ROBO2: variants seen among roughly 807,000 people sequenced by gnomAD.
ROBO2 encodes the protein roundabout homolog 2.
ROBO2 carries 53 observed loss-of-function variants against 160.8 expected under a neutral mutation model. The observed-to-expected ratio is 0.33, with a 90% CI of 0.26 to 0.41. The LOEUF is 0.41. ROBO2 is among the 10% of genes least tolerant of loss of function. The pLI is 1.00. For synonymous variants in ROBO2, 664 were observed against 611.7 expected, an observed-to-expected ratio of 1.09 and a Z score of -1.26; for missense variants, 1,577 against 1,722.4, an observed-to-expected ratio of 0.92 and a Z score of 1.49.
At chr3:77,493,319 T>C (rs535710145) in exon 5 of ROBO2, 1 of 1,614,030 alleles carries the variant, frequency 6.2e-7, no homozygotes, top group South Asian at 1.1e-5. Context: ...CGTTGTCAAG[T>C]CCAAGGAGAT....
intron 2 of ROBO2, among the ~76,000 whole-genome samples, chr3:76,323,175 A>C (rs6804020): frequency 1.4e-4 from 21 of 145,710 alleles, no homozygotes; most frequent in Admixed American, 2.8e-4. Flanking sequence ...ACACACACAC[A>C]CCCCTAAAGG....
chr3:76,073,263 T>A (rs4290809), intron 2 of ROBO2, among the ~76,000 whole-genome samples: 1 of 111,896 alleles, frequency 8.9e-6, no homozygotes, highest in Non-Finnish European at 1.7e-5. Context: ...TCAGAATGAG[T>A]ATTCTTTTTT....
At chr3:77,602,231 G>A (rs774911985) in exon 20 of ROBO2, 2 of 1,614,002 alleles carry the variant, frequency 1.2e-6, no homozygotes, top group Non-Finnish European at 1.7e-6. Flanking sequence ...CCAGTTCCAG[G>A]CCAAGGGGAT....
intron 2 of ROBO2, among the ~76,000 whole-genome samples, chr3:76,619,220 G>C (rs1191118146): frequency 1.3e-5 from 2 of 151,390 alleles, no homozygotes; most frequent in Non-Finnish European, 2.9e-5. Context: ...GGCGCCTGTA[G>C]TCCCAGCTAC....
intron 12 of ROBO2, among the ~76,000 whole-genome samples, chr3:77,565,537 A>G (rs551684707): frequency 2.0e-5 from 3 of 152,184 alleles, no homozygotes; most frequent in South Asian, 4.1e-4. Flanking sequence ...TCGTTCTCAC[A>G]GTGTGGTTCC....
intron 2 of ROBO2, among the ~76,000 whole-genome samples, chr3:77,315,491 A>G (rs2063903724): frequency 6.6e-6 from 1 of 152,190 alleles, no homozygotes; most frequent in African/African-American, 2.4e-5. Flanking sequence ...GAGACACTTA[A>G]TCAAATAAAA....
At chr3:76,969,764 T>G (rs908417031) in intron 2 of ROBO2, among the ~76,000 whole-genome samples, 9 of 152,096 alleles carry the variant, frequency 5.9e-5, no homozygotes, top group Non-Finnish European at 1.3e-4. Context: ...AGAGGACGAT[T>G]TTTCTTAAGC....
chr3:76,406,519 A>G (rs2078133819), intron 2 of ROBO2, among the ~76,000 whole-genome samples: 1 of 151,788 alleles, frequency 6.6e-6, no homozygotes, highest in Non-Finnish European at 1.5e-5. Flanking sequence ...GATAAGGAAT[A>G]GGACAAGAGG....
At chr3:76,687,006 G>A (rs1164227498) in intron 2 of ROBO2, among the ~76,000 whole-genome samples, 4 of 151,930 alleles carry the variant, frequency 2.6e-5, no homozygotes, top group African/African-American at 9.7e-5. Context: ...TATTGGGTTT[G>A]TCTCTTGTTT....
intron 2 of ROBO2, among the ~76,000 whole-genome samples, chr3:76,455,925 T>C (rs967362592): frequency 6.6e-6 from 1 of 152,210 alleles, no homozygotes; most frequent in African/African-American, 2.4e-5. Flanking sequence ...TCATTCATTA[T>C]GCATGTGAGG....
chr3:76,171,329 A>G (rs2073030074), intron 2 of ROBO2, among the ~76,000 whole-genome samples: 1 of 151,980 alleles, frequency 6.6e-6, no homozygotes, highest in African/African-American at 2.4e-5. Flanking sequence ...AACAAACAGA[A>G]AAAAAGAAGA....
intron 2 of ROBO2, among the ~76,000 whole-genome samples, chr3:75,974,316 A>C (rs573073773): frequency 6.6e-5 from 10 of 151,812 alleles, no homozygotes; most frequent in Admixed American, 5.9e-4. Context: ...AAATTCAGAT[A>C]AGTATTAATT....
intron 2 of ROBO2, among the ~76,000 whole-genome samples, chr3:76,438,170 T>C (rs2076767585): frequency 6.6e-6 from 1 of 152,134 alleles, no homozygotes; most frequent in African/African-American, 2.4e-5. Flanking sequence ...CTCTGGCAAG[T>C]ACTGAGCAGA....
intron 2 of ROBO2, among the ~76,000 whole-genome samples, chr3:77,299,447 G>A (rs1276591707): frequency 3.3e-5 from 5 of 152,168 alleles, no homozygotes; most frequent in Non-Finnish European, 5.9e-5. Context: ...GTTGAACGGG[G>A]CTGGAGAGGC....
intron 9 of ROBO2, among the ~76,000 whole-genome samples, chr3:77,559,422 A>T (rs1025732687): frequency 6.6e-6 from 1 of 152,086 alleles, no homozygotes; most frequent in Non-Finnish European, 1.5e-5. Context: ...GCTGGAGAGT[A>T]TATTTTAGTA....
chr3:77,213,045 G>A (rs1326187030), intron 2 of ROBO2, among the ~76,000 whole-genome samples: 1 of 151,756 alleles, frequency 6.6e-6, no homozygotes, highest in African/African-American at 2.4e-5. Flanking sequence ...TCTTTTTTTT[G>A]TTGTGTCTCT....
intron 2 of ROBO2, among the ~76,000 whole-genome samples, chr3:76,182,062 A>C (rs1701532017): frequency 6.6e-6 from 1 of 152,174 alleles, no homozygotes; most frequent in Non-Finnish European, 1.5e-5. Context: ...TGGCATGCTT[A>C]GTTTGAAATG....
chr3:76,227,865 C>T (rs1704384912), intron 2 of ROBO2, among the ~76,000 whole-genome samples: 1 of 152,128 alleles, frequency 6.6e-6, no homozygotes, highest in African/African-American at 2.4e-5. Context: ...CACATAATCA[C>T]TTTTTTAGTG....
intron 2 of ROBO2, among the ~76,000 whole-genome samples, chr3:76,679,502 T>C (rs769078062): frequency 6.6e-6 from 1 of 152,152 alleles, no homozygotes. Flanking sequence ...TAAAACTATA[T>C]AGGCATGCTT....
Sources: allele counts gnomAD v4.1 joint callset (sites outside exome capture counted in the v4.1 genomes callset), GRCh38; gene constraint gnomAD v4.1.1; transcripts MANE v1.5; gene names NCBI Gene and HGNC (gene_info 2026-07-23, HGNC 2026-07-21).